Variants in ATP2C2 observed in about 807,000 individuals in gnomAD.
ATP2C2 encodes ATPase secretory pathway Ca2+ transporting 2, also known as calcium-transporting ATPase type 2C member 2.
Under a neutral mutation model 110.8 loss-of-function variants are expected in ATP2C2, and 171 were observed. The ratio of observed to expected loss-of-function variants is 1.54; its 90% CI spans 1.36 to 1.75. The LOEUF (loss-of-function observed/expected upper bound fraction) is 1.75, where lower values mean the gene tolerates loss of function less well. ATP2C2 is among the 40% of genes most tolerant of loss of function. ATP2C2 has a pLI of 0.00. For synonymous variants in ATP2C2, 804 were observed against 508.4 expected (o/e 1.58, Z -7.82); for missense variants, 1,963 against 1,235.0 (o/e 1.59, Z -8.84).
At chr16:84,383,988 G>A (rs181578875) in intron 1 of ATP2C2, among the ~76,000 whole-genome samples, 113 of 151,822 alleles carry the variant, frequency 7.4e-4, no homozygotes, top group African/African-American at 2.1e-3. Context: ...TGGGTTTCAC[G>A]CTGTTGTCCA....
At chr16:84,448,755 C>T in intron 17 of ATP2C2, 66 bp downstream of exon 17, 2 of 1,540,538 alleles carry the variant, frequency 1.3e-6, no homozygotes, top group Non-Finnish European at 1.8e-6. Context: ...TAAGTGCATT[C>T]AAGCAGGGTC....
At chr16:84,455,745 C>G (rs1468520639) in intron 21 of ATP2C2, among the ~76,000 whole-genome samples, 1 of 104,350 alleles carries the variant, frequency 9.6e-6, no homozygotes, top group Non-Finnish European at 2.0e-5. Context: ...AGCCTTAACA[C>G]ACTTAGAAAA....
intron 13 of ATP2C2, among the ~76,000 whole-genome samples, chr16:84,440,655 A>G (rs2303854): frequency 0.37 from 57,025 of 152,138 alleles, 11,106 homozygotes; most frequent in East Asian, 0.55. Flanking sequence ...ACTTGCTGCA[A>G]CTTACTCATG....
At chr16:84,455,024 C>G (rs775192239) in intron 21 of ATP2C2, 40 bp downstream of exon 21, 14 of 1,597,930 alleles carry the variant, frequency 8.8e-6, no homozygotes, top group Non-Finnish European at 1.1e-5. Context: ...TGCAAAAATG[C>G]CTGGGGTCAC....
In ATP2C2 at chr16:84,385,449, A is replaced by G. The variant is rs77716184; in HGVS notation, c.100-13050A>G. Among the ~76,000 whole-genome samples, 36 of 152,298 alleles carry G rather than the reference A, an allele frequency of 2.4e-4. No individual in the cohort carries two copies. The East Asian group carries it at 5.0e-3, about 21-fold the overall frequency. On this transcript the variant is annotated intron_variant, in intron 1 of 26. Transcript: ENST00000262429. Reference sequence around the variant, plus strand: ...TTGGGGGTGAACACAGATCCAAACCATATCACCATCATCATCATTCTCTCT... The same window carrying G: ...TTGGGGGTGAACACAGATCCAAACCGTATCACCATCATCATCATTCTCTCT...
chr16:84,439,880 G>C (rs1909087337), intron 13 of ATP2C2, among the ~76,000 whole-genome samples: 1 of 152,186 alleles, frequency 6.6e-6, no homozygotes, highest in Non-Finnish European at 1.5e-5. Context: ...CCGTCACCCA[G>C]GCTGGAATGC....
rs768698077 is a variant in ATP2C2 at position 84,440,974 on chromosome 16, G to T, written c.1311+16G>T. 3 of 1,588,976 alleles carry T rather than the reference G, an allele frequency of 1.9e-6. No homozygotes were observed. The highest frequency in any genetic ancestry group is 1.7e-5 in the Admixed American group (1 of 58,712). On this transcript the variant is annotated intron_variant, in intron 14 of 26. Transcript: ENST00000262429. The stretch of plus-strand genomic sequence containing the variant: ...GTTAGTGGAGGTAGGTGTCAAAAGC[G>T]CCATGAGGGAAATAGGCATTTACAT...
At chr16:84,453,048 C>G in intron 18 of ATP2C2, 90 bp from the exon 19 acceptor site, 1 of 1,329,382 alleles carries the variant, frequency 7.5e-7, no homozygotes, top group Admixed American at 2.0e-5. Context: ...TGGTTTTATT[C>G]TTGGTGTTCC....
At chr16:84,380,394 A>T (rs1288340404) in intron 1 of ATP2C2, among the ~76,000 whole-genome samples, 6 of 151,762 alleles carry the variant, frequency 4.0e-5, no homozygotes, top group Non-Finnish European at 8.8e-5. Context: ...TCCTGTCTAA[A>T]CTTGTCTTAA....
intron 17 of ATP2C2, among the ~76,000 whole-genome samples, 161 bp from the exon 18 acceptor site, chr16:84,451,760 C>A (rs942334732): frequency 2.6e-5 from 4 of 152,140 alleles, no homozygotes; most frequent in Non-Finnish European, 5.9e-5. Context: ...ACGGTTTGAA[C>A]CCAGGAGGCA....
At chr16:84,428,204 C>G (rs942804270) in intron 11 of ATP2C2, among the ~76,000 whole-genome samples, 24 of 152,200 alleles carry the variant, frequency 1.6e-4, no homozygotes, top group African/African-American at 5.6e-4. Context: ...GTTGAGTGTA[C>G]TGGGTCTGGT....
intron 11 of ATP2C2, among the ~76,000 whole-genome samples, chr16:84,427,218 C>A (rs1025778705): frequency 1.3e-5 from 2 of 152,088 alleles, no homozygotes; most frequent in African/African-American, 4.8e-5. Flanking sequence ...GTAATTAATA[C>A]ATCAAACCCA....
At chr16:84,387,085 C>T (rs35236263) in intron 1 of ATP2C2, among the ~76,000 whole-genome samples, 27,480 of 151,948 alleles carry the variant, frequency 0.18, 2,678 homozygotes, top group South Asian at 0.29. Context: ...TTGGCAGTGA[C>T]GACTATCACT....
intron 18 of ATP2C2, among the ~76,000 whole-genome samples, chr16:84,452,937 A>G (rs1187968951): frequency 2.0e-5 from 3 of 151,978 alleles, no homozygotes; most frequent in Admixed American, 2.0e-4. Context: ...CTGTTTCCCC[A>G]TCTTTAAAGT....
At chr16:84,370,919 A>T (rs1370891907) in intron 1 of ATP2C2, among the ~76,000 whole-genome samples, 1 of 152,066 alleles carries the variant, frequency 6.6e-6, no homozygotes, top group Non-Finnish European at 1.5e-5. Context: ...TACTCTCGTC[A>T]TGTGATCAAT....
At chr16:84,407,344 G>C (rs113221930) in intron 3 of ATP2C2, 1 of 152,830 alleles carries the variant, frequency 6.5e-6, no homozygotes, top group African/African-American at 2.4e-5. Context: ...GCAGAGATCT[G>C]AGTGAAATGA....
chr16:84,401,479 C>T (rs1196874552), intron 2 of ATP2C2, among the ~76,000 whole-genome samples: 1 of 152,000 alleles, frequency 6.6e-6, no homozygotes, highest in Non-Finnish European at 1.5e-5. Context: ...TCCACCTCAT[C>T]TTTAATTCAT....
rs773520212 is a variant in ATP2C2, at chr16:84,448,684, T to G, written c.1655T>G (p.Leu552Trp). 1 of 1,611,616 alleles carries G rather than the reference T, an allele frequency of 6.2e-7. No individual in the cohort carries two copies. Among genetic ancestry groups the G allele is most frequent in the Non-Finnish European group, 8.5e-7 (1 of 1,178,574 alleles). ...GAGAAGAGGATGGGGTCGCTCGGTT[T>G]GCGGGGTCAGTGCCTGTGGTCCCGG... is the stretch of plus-strand genomic sequence containing the variant. ...QEEKRMGSLGLRVLALASGPE... is the reference protein window; with the variant it reads ...QEEKRMGSLGWRVLALASGPE... Residue 552 changes from leucine (L) to tryptophan (W), a missense_variant, in exon 17 of 27, where the codon TTG (leucine) becomes TGG (tryptophan). Coordinates refer to ENST00000262429, the MANE Select transcript of ATP2C2 (RefSeq NM_014861.4).
At chr16:84,416,379 C>G (rs1007848164) in intron 7 of ATP2C2, among the ~76,000 whole-genome samples, 1 of 152,194 alleles carries the variant, frequency 6.6e-6, no homozygotes, top group Non-Finnish European at 1.5e-5. Flanking sequence ...CTGTTCAAAG[C>G]TTTGCATGAT....
Sources: gnomAD v4.1 joint callset for allele counts (sites outside exome capture counted in the v4.1 genomes callset) on GRCh38, gnomAD v4.1.1 for gene constraint, MANE v1.5 for transcripts, NCBI Gene and HGNC (gene_info 2026-07-23, HGNC 2026-07-21) for gene names.